The following CDR2 variants were observed in gnomAD, a reference collection of about 807,000 sequenced individuals.
CDR2 encodes the protein cerebellar degeneration-related protein 2.
Under a neutral mutation model 48.4 loss-of-function variants are expected in CDR2, and 34 were observed. The observed-to-expected ratio is 0.70, with a 90% CI of 0.53 to 0.94. The LOEUF (loss-of-function observed/expected upper bound fraction) is 0.94. Among genes scored for constraint, CDR2 ranks in the 40% least tolerant of loss-of-function variants. CDR2 has a pLI of 0.00. For synonymous variants in CDR2, 240 were observed against 219.7 expected (o/e 1.09, Z -0.82); for missense variants, 498 against 549.5 (o/e 0.91, Z 0.94).
intron 1 of CDR2, chr16:22,367,125 G>A (rs1005543058): frequency 6.6e-6 from 1 of 152,588 alleles, no homozygotes; most frequent in Non-Finnish European, 1.5e-5. Context: ...CTGGGCTCAA[G>A]TGATCTTCCT....
rs1001102634 is a variant in CDR2, at chr16:22,347,546, G to C, written c.784C>G (p.Gln262Glu). 1.9e-6 allele frequency: 3 copies of C among 1,614,058 alleles called. No individual in the cohort carries two copies. The highest frequency in any genetic ancestry group is 1.3e-5 in the African/African-American group (1 of 75,050). The change falls in exon 5 of 5, where the codon CAG (glutamine) becomes GAG (glutamate). Residue 262 changes from glutamine (Q) to glutamate (E), a missense_variant. Physicochemically the swap from Gln to Glu is conservative, Grantham distance 29. Coordinates refer to ENST00000268383, the MANE Select transcript of CDR2 (RefSeq NM_001802.2). The part of the protein sequence containing the change: ...AEVAEMRQML[Q>E]SEHPFVNGVE... ...CCATTCACAAATGGATGCTCTGACT[G>C]CAACATCTGTCGCATCTCTGCCACC...
At position 22,347,310 on chromosome 16, in the gene CDR2, C is replaced by T. The variant is rs2048912739; in HGVS notation, c.1020G>A (p.Gln340=). ...CTTCGTGCAGAAGGGAGATGCCCCTCTGTTTCACAGCCTTGGCCCTCCTGA... is the reference window on the plus strand; with the variant it reads ...CTTCGTGCAGAAGGGAGATGCCCCTTTGTTTCACAGCCTTGGCCCTCCTGA... ...TCIRRAKAVK[Q]RGISLLHEVD... Residue 340 remains glutamine (Q), a synonymous_variant, in exon 5 of 5, where the codon CAG becomes CAA. Coordinates refer to ENST00000268383, the MANE Select transcript of CDR2 (RefSeq NM_001802.2). The T allele has an allele frequency of 6.2e-7, 1 of 1,614,152 alleles. No homozygotes were observed. Among genetic ancestry groups the T allele is most frequent in the Non-Finnish European group, 8.5e-7 (1 of 1,180,058 alleles).
At chr16:22,371,423 T>A (rs2049075100) in intron 1 of CDR2, among the ~76,000 whole-genome samples, 1 of 152,138 alleles carries the variant, frequency 6.6e-6, no homozygotes, top group East Asian at 1.9e-4. Flanking sequence ...AGTGGGCACA[T>A]CCCATGAGGC....
chr16:22,366,532 T>C (rs1430200012), intron 1 of CDR2, among the ~76,000 whole-genome samples: 1 of 152,010 alleles, frequency 6.6e-6, no homozygotes, highest in Non-Finnish European at 1.5e-5. Flanking sequence ...TGTGTATCCA[T>C]CAGGGAAACA....
chr16:22,349,642 C>T (rs2048928919), intron 3 of CDR2, 59 bp downstream of exon 3: 1 of 1,563,374 alleles, frequency 6.4e-7, no homozygotes, highest in Non-Finnish European at 8.8e-7. Context: ...ATGTTCTATT[C>T]TAGTTTATAC....
intron 1 of CDR2, among the ~76,000 whole-genome samples, chr16:22,372,421 C>G (rs2049084698): frequency 6.6e-6 from 1 of 152,168 alleles, no homozygotes; most frequent in Non-Finnish European, 1.5e-5. Context: ...TAAAATCGAG[C>G]TTCCAGTATG....
chr16:22,359,275 C>T (rs1208992400), intron 2 of CDR2, among the ~76,000 whole-genome samples: 1 of 151,974 alleles, frequency 6.6e-6, no homozygotes, highest in Non-Finnish European at 1.5e-5. Context: ...TACAGGCGCC[C>T]GCCACCACGC....
At chr16:22,352,890 G>A (rs180688159) in intron 2 of CDR2, among the ~76,000 whole-genome samples, 7 of 152,244 alleles carry the variant, frequency 4.6e-5, no homozygotes, top group Admixed American at 1.3e-4. Context: ...ATTCTCATGC[G>A]TGAAGCTTTC....
At chr16:22,351,055 C>T (rs890616816) in intron 2 of CDR2, among the ~76,000 whole-genome samples, 1 of 152,130 alleles carries the variant, frequency 6.6e-6, no homozygotes, top group Non-Finnish European at 1.5e-5. Context: ...ATGTTCCCCA[C>T]CCTGTGCCCA....
At chr16:22,372,824 G>A (rs2049087276) in intron 1 of CDR2, among the ~76,000 whole-genome samples, 1 of 152,180 alleles carries the variant, frequency 6.6e-6, no homozygotes, top group Non-Finnish European at 1.5e-5. Flanking sequence ...CAAAAGAGGT[G>A]CTCATTTTAT....
At chr16:22,371,023 T>A (rs1023395977) in intron 1 of CDR2, among the ~76,000 whole-genome samples, 8 of 152,102 alleles carry the variant, frequency 5.3e-5, no homozygotes, top group Middle Eastern at 3.2e-3. Flanking sequence ...CCATCCTGGC[T>A]AACATGGGGA....
At position 22,346,959 on chromosome 16, in the gene CDR2, G is replaced by A. The variant is rs1227668162; in HGVS notation, c.*6C>T. The stretch of plus-strand genomic sequence containing the variant: ...AGGCAAATTAGTAGTAGAGCTAGAG[G>A]TTCAATTAAGAATGAGAGGAGAGTG... On this transcript the variant is annotated 3_prime_UTR_variant, in exon 5 of 5. Transcript: ENST00000268383. 6.2e-7 allele frequency: 1 copy of A among 1,604,326 alleles called. No homozygotes were observed. The highest frequency in any genetic ancestry group is 1.3e-5 in the African/African-American group (1 of 74,722).
chr16:22,364,669 C>T (rs1045624383), intron 2 of CDR2, among the ~76,000 whole-genome samples: 1 of 152,116 alleles, frequency 6.6e-6, no homozygotes, highest in African/African-American at 2.4e-5. Context: ...TCGAGACCAG[C>T]CTGGCTAACA....
At chr16:22,372,569 A>C (rs997768776) in intron 1 of CDR2, among the ~76,000 whole-genome samples, 1 of 152,244 alleles carries the variant, frequency 6.6e-6, no homozygotes, top group Non-Finnish European at 1.5e-5. Context: ...ATAGGGAAGT[A>C]CTGCAGTGGT....
Position 22,349,802 on chromosome 16 carries a change from A to T in CDR2, c.240T>A (p.His80Gln), listed in dbSNP as rs776723315. 1 of 1,613,996 alleles carries T rather than the reference A, an allele frequency of 6.2e-7. No individual in the cohort carries two copies. The highest frequency in any genetic ancestry group is 2.2e-5 in the East Asian group (1 of 44,874). ...CGTCTAATTGTTCATAAACCTTTGC[A>T]TGTTGTTCGTTCATCTGCCGTAGAA... Reference protein sequence around the residue: ...VELLRQMNEQHAKVYEQLDVT... With the variant: ...VELLRQMNEQQAKVYEQLDVT... Residue 80 changes from histidine to glutamine, a missense_variant, in exon 3 of 5, where the codon CAT (histidine) becomes CAA (glutamine). By Grantham distance (24) the His-to-Gln change is conservative. Transcript: ENST00000268383.
At chr16:22,354,747 A>G (rs1271906557) in intron 2 of CDR2, among the ~76,000 whole-genome samples, 1 of 151,042 alleles carries the variant, frequency 6.6e-6, no homozygotes, top group Non-Finnish European at 1.5e-5. Context: ...AAAAAAAATT[A>G]GTTAGGCATG....
At chr16:22,352,979 A>T (rs1231411680) in intron 2 of CDR2, among the ~76,000 whole-genome samples, 1 of 152,198 alleles carries the variant, frequency 6.6e-6, no homozygotes, top group Non-Finnish European at 1.5e-5. Context: ...TGATGGGAAC[A>T]TGTTCAATCT....
chr16:22,368,972 TCA>T (rs936218381), intron 1 of CDR2: 2 of 152,198 alleles, frequency 1.3e-5, no homozygotes, highest in Non-Finnish European at 2.9e-5. Flanking sequence ...GATTTTGTAC[TCA>T]CAGAGTGTGT....
chr16:22,349,610 T>G, intron 3 of CDR2, 91 bp downstream of exon 3: 1 of 1,453,408 alleles, frequency 6.9e-7, no homozygotes. Flanking sequence ...TTATCCCATA[T>G]TGACCCAAAC....
Sources: allele counts gnomAD v4.1 joint callset (sites outside exome capture counted in the v4.1 genomes callset), GRCh38; gene constraint gnomAD v4.1.1; transcripts MANE v1.5; gene names NCBI Gene and HGNC (gene_info 2026-07-23, HGNC 2026-07-21).